The following PRIM2 variants were observed in gnomAD, a reference collection of about 807,000 sequenced individuals.
PRIM2 encodes the protein DNA primase large subunit.
Under a neutral mutation model 67.3 loss-of-function variants are expected in PRIM2, and 39 were observed. That is an observed-to-expected ratio of 0.58 (90% CI 0.45 to 0.76). The LOEUF is 0.76. Among genes scored for constraint, PRIM2 ranks in the 30% least tolerant of loss-of-function variants. The pLI, the probability that PRIM2 is intolerant of heterozygous loss-of-function variation, is 0.00. For missense variants in PRIM2, 398 were observed against 598.7 expected (o/e 0.66, Z 3.50); for synonymous variants, 143 against 198.7 (o/e 0.72, Z 2.36).
At chr6:57,479,036 C>A (rs1166645828) in intron 7 of PRIM2, among the ~76,000 whole-genome samples, 6 of 152,170 alleles carry the variant, frequency 3.9e-5, no homozygotes, top group Non-Finnish European at 8.8e-5. Context: ...ATCCCAGCTA[C>A]TTGGGAGGCT....
chr6:57,601,949 T>C (rs1266050560), intron 11 of PRIM2, among the ~76,000 whole-genome samples: 2 of 152,176 alleles, frequency 1.3e-5, no homozygotes, highest in Non-Finnish European at 2.9e-5. Flanking sequence ...AGACATTCTA[T>C]GTGACCAAAT....
chr6:57,475,121 C>T (rs1379280083), intron 7 of PRIM2, among the ~76,000 whole-genome samples: 1 of 152,186 alleles, frequency 6.6e-6, no homozygotes, highest in African/African-American at 2.4e-5. Context: ...TATGTTTCCT[C>T]TCACAGATAT....
intron 7 of PRIM2, among the ~76,000 whole-genome samples, chr6:57,395,023 A>G (rs1233454697): frequency 6.6e-6 from 1 of 152,170 alleles, no homozygotes; most frequent in African/African-American, 2.4e-5. Flanking sequence ...CCACTTGATC[A>G]TGGTGATTAT....
At chr6:57,224,766 T>G in the PRIM2 span, among the ~76,000 whole-genome samples, 3 of 152,242 alleles carry the variant, frequency 2.0e-5, no homozygotes, top group Admixed American at 1.3e-4. Context: ...TCCTTGGGAT[T>G]GTTGGACATT....
At chr6:57,312,559 T>C (rs1414326354), upstream of PRIM2, among the ~76,000 whole-genome samples, 1 of 152,202 alleles carries the variant, frequency 6.6e-6, no homozygotes, top group African/African-American at 2.4e-5. Flanking sequence ...CTTAATTTAA[T>C]GTAGTTAAAA....
At chr6:57,411,383 G>A (rs1337587749) in intron 7 of PRIM2, among the ~76,000 whole-genome samples, 19 of 151,988 alleles carry the variant, frequency 1.3e-4, no homozygotes, top group Non-Finnish European at 2.2e-4. Flanking sequence ...TTGAGCCCAG[G>A]AGTTTGAGAC....
intron 7 of PRIM2, among the ~76,000 whole-genome samples, chr6:57,496,475 A>G (rs1774007139): frequency 6.6e-6 from 1 of 152,198 alleles, no homozygotes; most frequent in African/African-American, 2.4e-5. Flanking sequence ...GCCTGTAGAT[A>G]TGGTTGGTAA....
In PRIM2 at chr6:57,359,738, T is replaced by C. The variant is rs866751327; in HGVS notation, c.460-20163T>C. 5.3e-5 allele frequency among the ~76,000 whole-genome samples: 8 copies of C among 152,318 alleles called. No homozygotes were observed. In the Middle Eastern group the frequency reaches 0.014, roughly 259 times the overall value. ...ATGTAATGAAAGATACTATTAACAA[T>C]TAAATAATATGGAAAATGAAATTCC... On this transcript the variant is annotated intron_variant, in intron 5 of 13. Transcript: ENST00000615550.
At position 57,408,540 on chromosome 6, in the gene PRIM2, T is replaced by C. The variant is rs555372155; in HGVS notation, c.693+26372T>C. 9.9e-5 allele frequency among the ~76,000 whole-genome samples: 15 copies of C among 152,262 alleles called. No homozygotes were observed. In the East Asian group the frequency reaches 2.9e-3, roughly 29 times the overall value. On this transcript the variant is annotated intron_variant, in intron 7 of 13. Transcript: ENST00000615550. Reference sequence around the variant, plus strand: ...TTTTATTGTGCTTTTGTACAATAAATAGCCTTTAGCATTTAATTTCCTCCC... The same window carrying C: ...TTTTATTGTGCTTTTGTACAATAAACAGCCTTTAGCATTTAATTTCCTCCC...
At chr6:57,600,828 T>C (rs1776450175) in intron 10 of PRIM2, among the ~76,000 whole-genome samples, 1 of 152,256 alleles carries the variant, frequency 6.6e-6, no homozygotes, top group African/African-American at 2.4e-5. Context: ...AGATTTTCTT[T>C]ATCTTTAAAC....
At chr6:57,615,505 CAGA>C (rs1235631962) in intron 12 of PRIM2, among the ~76,000 whole-genome samples, 47 of 151,456 alleles carry the variant, frequency 3.1e-4, no homozygotes, top group African/African-American at 1.1e-3. Flanking sequence ...GTTTGTTTCT[CAGA>C]AGAAGTTTTT....
intron 10 of PRIM2, among the ~76,000 whole-genome samples, chr6:57,558,272 A>G (rs1398890428): frequency 8.5e-5 from 13 of 152,212 alleles, no homozygotes; most frequent in African/African-American, 3.1e-4. Context: ...GTTCTTATTT[A>G]ATATGACGTA....
intron 6 of PRIM2, among the ~76,000 whole-genome samples, chr6:57,381,419 A>T (rs1769956929): frequency 6.6e-6 from 1 of 152,226 alleles, no homozygotes; most frequent in Non-Finnish European, 1.5e-5. Flanking sequence ...TACTTCGCTC[A>T]TCTCTTAGAA....
chr6:57,524,519 T>C, intron 8 of PRIM2, among the ~76,000 whole-genome samples: 1 of 152,112 alleles, frequency 6.6e-6, no homozygotes, highest in African/African-American at 2.4e-5. Flanking sequence ...CTGACCAACA[T>C]GGAGAAATCC....
At chr6:57,604,206 A>G (rs1776521274) in intron 11 of PRIM2, among the ~76,000 whole-genome samples, 1 of 152,120 alleles carries the variant, frequency 6.6e-6, no homozygotes. Context: ...AATTCCAGCT[A>G]TTCAGGAGGC....
chr6:57,381,217 C>G (rs1036884768), intron 6 of PRIM2, among the ~76,000 whole-genome samples: 9 of 152,148 alleles, frequency 5.9e-5, no homozygotes, highest in African/African-American at 2.2e-4. Context: ...TTAAAAAGCA[C>G]ATGATCTGTT....
rs1439869133 is a variant in PRIM2, at chr6:57,459,005, T to C, written c.694-48382T>C. ...TAGTATGAACAAAAAAATAACTATTTGGTGTGGTAAGTCACTGAGATTTTG... is the reference window on the plus strand; with the variant it reads ...TAGTATGAACAAAAAAATAACTATTCGGTGTGGTAAGTCACTGAGATTTTG... On this transcript the variant is annotated intron_variant, in intron 7 of 13. Coordinates refer to ENST00000615550, the MANE Select transcript of PRIM2 (RefSeq NM_000947.5). Among the ~76,000 whole-genome samples the C allele has an allele frequency of 5.9e-5, 9 of 152,342 alleles. No homozygotes were observed. In the East Asian group the frequency reaches 1.7e-3, roughly 29 times the overall value.
chr6:57,435,999 A>G (rs965604506), intron 7 of PRIM2, among the ~76,000 whole-genome samples: 2 of 152,162 alleles, frequency 1.3e-5, no homozygotes, highest in African/African-American at 4.8e-5. Flanking sequence ...AGGCTAGGAA[A>G]ATTATGCCAT....
chr6:57,548,792 C>T (rs1181685800), intron 10 of PRIM2, among the ~76,000 whole-genome samples: 2 of 152,134 alleles, frequency 1.3e-5, no homozygotes, highest in Non-Finnish European at 2.9e-5. Context: ...TGGGAGCTCA[C>T]ATCCACTGCT....
Sources: gnomAD v4.1 joint callset for allele counts (sites outside exome capture counted in the v4.1 genomes callset) on GRCh38, gnomAD v4.1.1 for gene constraint, MANE v1.5 for transcripts, NCBI Gene and HGNC (gene_info 2026-07-23, HGNC 2026-07-21) for gene names.